APBB2: variants seen among roughly 807,000 people sequenced by gnomAD.
APBB2 encodes the protein amyloid beta precursor protein binding family B member 2.
Under a neutral mutation model 82.5 loss-of-function variants are expected in APBB2, and 38 were observed. That is an observed-to-expected ratio of 0.46 (90% CI 0.36 to 0.60). APBB2 has a LOEUF of 0.60. APBB2 is among the 20% of genes least tolerant of loss of function. The pLI, the probability that APBB2 is intolerant of heterozygous loss-of-function variation, is 0.00. For synonymous variants in APBB2, 341 were observed against 368.2 expected (o/e 0.93, Z 0.85); for missense variants, 772 against 972.3 (o/e 0.79, Z 2.74).
At chr4:41,144,737 CACAG>C (rs913340172) in intron 1 of APBB2, among the ~76,000 whole-genome samples, 3 of 152,216 alleles carry the variant, frequency 2.0e-5, no homozygotes, top group African/African-American at 7.2e-5. Flanking sequence ...GCAAACTTGC[CACAG>C]ACAGAGAACC....
At position 41,014,347 on chromosome 4, in the gene APBB2, G is replaced by A. The variant is rs1274851585; in HGVS notation, c.71C>T (p.Thr24Ile). ...TGGGCTGTTCCGATTTGTGACGTCT[G>A]TAGTTCCGCTGCTGGCCATAAACAC... The part of the protein sequence containing the change: ...LAVFMASSGT[T>I]DVTNRNSPAT... Residue 24 changes from threonine (T) to isoleucine (I), a missense_variant, in exon 6 of 18, where the codon ACA becomes ATA. Physicochemically the swap from Thr to Ile is moderately conservative, Grantham distance 89 (BLOSUM62 -1). Transcript: ENST00000508593. 1.2e-6 allele frequency: 2 copies of A among 1,614,138 alleles called. No individual in the cohort carries two copies. The highest frequency in any genetic ancestry group is 1.1e-5 in the South Asian group (1 of 91,080).
intron 6 of APBB2, among the ~76,000 whole-genome samples, chr4:40,984,758 G>C (rs1001539442): frequency 6.6e-6 from 1 of 152,120 alleles, no homozygotes; most frequent in Non-Finnish European, 1.5e-5. Context: ...TTTTGGTAAA[G>C]AATAGTTTGC....
chr4:41,204,002 GTCCACT>G (rs1263468647), intron 1 of APBB2, among the ~76,000 whole-genome samples: 1 of 152,144 alleles, frequency 6.6e-6, no homozygotes. Context: ...GCCCCACCTT[GTCCACT>G]TTCCCACTTG....
intron 12 of APBB2, among the ~76,000 whole-genome samples, chr4:40,882,692 A>G (rs1427937634): frequency 2.6e-5 from 4 of 152,176 alleles, no homozygotes; most frequent in African/African-American, 9.7e-5. Context: ...TAGTCTGCGG[A>G]GTCCCAGCCC....
intron 2 of APBB2, among the ~76,000 whole-genome samples, chr4:41,109,418 G>C (rs998105520): frequency 2.6e-5 from 4 of 151,936 alleles, no homozygotes; most frequent in African/African-American, 7.3e-5. Context: ...AGCCTCCCAA[G>C]TAGCTGGTAC....
intron 2 of APBB2, among the ~76,000 whole-genome samples, chr4:41,102,065 G>A (rs1745656614): frequency 6.6e-6 from 1 of 152,050 alleles, no homozygotes; most frequent in Non-Finnish European, 1.5e-5. Context: ...AGTTTAAGTA[G>A]GCAAAACAGA....
At chr4:40,918,333 C>T (rs936448936) in intron 10 of APBB2, among the ~76,000 whole-genome samples, 5 of 152,208 alleles carry the variant, frequency 3.3e-5, no homozygotes, top group Admixed American at 6.5e-5. Flanking sequence ...AGGTGTTTTG[C>T]AGGCAATGCC....
At chr4:41,132,918 C>T (rs748369515) in intron 2 of APBB2, among the ~76,000 whole-genome samples, 5 of 151,530 alleles carry the variant, frequency 3.3e-5, no homozygotes, top group South Asian at 2.1e-4. Context: ...TCAGCTATCC[C>T]GATTTTTTTT....
In APBB2 at chr4:41,196,954, A is replaced by G; in HGVS notation, c.-417+17451T>C. Among the ~76,000 whole-genome samples, 4 of 142,244 alleles carry G rather than the reference A, an allele frequency of 2.8e-5. No homozygotes were observed. The South Asian group carries it at 8.5e-4, about 30-fold the overall frequency. The allele number at this position is 142,244 out of a possible 152,430, so 93.3% of individuals were successfully genotyped here. On this transcript the variant is annotated intron_variant, in intron 1 of 17. Transcript: ENST00000508593. The stretch of plus-strand genomic sequence containing the variant: ...ACCACGGAGGGTGTGCTCCAGCACT[A>G]GTTTTTTTAAATTGTATTAGTTCTG...
intron 10 of APBB2, among the ~76,000 whole-genome samples, chr4:40,907,926 C>T (rs529167136): frequency 6.6e-6 from 1 of 152,012 alleles, no homozygotes; most frequent in Admixed American, 6.6e-5. Flanking sequence ...ACCTTGGCCT[C>T]CCAAAGTGCT....
At chr4:40,996,356 C>T (rs1177314107) in intron 6 of APBB2, among the ~76,000 whole-genome samples, 1 of 152,194 alleles carries the variant, frequency 6.6e-6, no homozygotes, top group African/African-American at 2.4e-5. Context: ...AACACCCAAT[C>T]TGTTTAAGCC....
At chr4:41,144,630 A>C (rs1423804013) in intron 1 of APBB2, among the ~76,000 whole-genome samples, 1 of 152,258 alleles carries the variant, frequency 6.6e-6, no homozygotes, top group Non-Finnish European at 1.5e-5. Context: ...ATCTGATCAC[A>C]GAAGTTCTTA....
chr4:40,981,211 T>C (rs1232927321), intron 6 of APBB2, among the ~76,000 whole-genome samples: 1 of 152,122 alleles, frequency 6.6e-6, no homozygotes, highest in East Asian at 1.9e-4. Flanking sequence ...GAGACCATCC[T>C]GGCCAACATG....
intron 3 of APBB2, among the ~76,000 whole-genome samples, chr4:41,068,514 T>A (rs1170618311): frequency 6.6e-6 from 1 of 152,176 alleles, no homozygotes; most frequent in African/African-American, 2.4e-5. Flanking sequence ...AGGACATGGA[T>A]CTTGAAATTC....
chr4:40,823,899 C>A, intron 15 of APBB2, 140 bp from the exon 16 acceptor site: 1 of 616,966 alleles, frequency 1.6e-6, no homozygotes, highest in East Asian at 2.8e-5. Context: ...GTTTGCTCAA[C>A]AGGAATGAAA....
At chr4:41,122,973 C>A (rs991725235) in intron 2 of APBB2, among the ~76,000 whole-genome samples, 1 of 152,276 alleles carries the variant, frequency 6.6e-6, no homozygotes, top group African/African-American at 2.4e-5. Context: ...GGGGCCTATG[C>A]CCCTGCAGTT....
intron 1 of APBB2, among the ~76,000 whole-genome samples, chr4:41,210,599 GACAT>G (rs1195170933): frequency 6.6e-6 from 1 of 152,186 alleles, no homozygotes; most frequent in Non-Finnish European, 1.5e-5. Context: ...TTTATCTTCT[GACAT>G]CTAATTTCAT....
chr4:40,907,379 AT>A (rs55814804), intron 10 of APBB2, among the ~76,000 whole-genome samples: 296 of 37,064 alleles, frequency 8.0e-3, no homozygotes, highest in Admixed American at 0.012. Context: ...ATATATATAT[AT>A]TTTTTTTTTT....
chr4:40,901,324 A>G (rs1775215438), intron 10 of APBB2, among the ~76,000 whole-genome samples: 1 of 152,188 alleles, frequency 6.6e-6, no homozygotes, highest in Non-Finnish European at 1.5e-5. Context: ...CTGATCCCCC[A>G]ATCCTGACAT....
Sources: gnomAD v4.1 joint callset for allele counts (sites outside exome capture counted in the v4.1 genomes callset) on GRCh38, gnomAD v4.1.1 for gene constraint, MANE v1.5 for transcripts, NCBI Gene and HGNC (gene_info 2026-07-23, HGNC 2026-07-21) for gene names.